Variants in IGFN1 observed in about 807,000 individuals in gnomAD.
The protein encoded by IGFN1 is immunoglobulin like and fibronectin type III domain containing 1.
IGFN1 carries 253 observed loss-of-function variants against 289.5 expected under a neutral mutation model. The observed-to-expected ratio is 0.87, with a 90% confidence interval of 0.79 to 0.97. The LOEUF (loss-of-function observed/expected upper bound fraction) is 0.97. Ranked by LOEUF, IGFN1 falls within the 50% of genes least tolerant of loss-of-function variation. The pLI is 0.00. For synonymous variants in IGFN1, 1,706 were observed against 1,788.5 expected (o/e 0.95, Z 1.16); for missense variants, 4,470 against 4,686.1 (o/e 0.95, Z 1.35).
rs1667930744 is a variant in IGFN1 at position 201,213,372 on chromosome 1, G to A, written c.8479G>A (p.Val2827Ile). ...GTCTCAGGCACAGTCAGGGGCTGAG[G>A]TTGGAGGAGGAAAGAGAAGGGGAGC... is the stretch of plus-strand genomic sequence containing the variant. ...SRSQAQSGAE[V>I]GGGKRRGADE... Residue 2827 changes from valine (V) to isoleucine (I), a missense_variant, in exon 12 of 24, where the codon GTT (valine) becomes ATT (isoleucine). Val to Ile is a conservative substitution (Grantham distance 29). Transcript: ENST00000335211. The A allele has an allele frequency of 1.9e-6, 3 of 1,613,008 alleles. No homozygotes were observed. Among genetic ancestry groups the A allele is most frequent in the Admixed American group, 1.7e-5 (1 of 59,854 alleles).
chr1:201,192,175 G>T (rs1666688453), intron 1 of IGFN1, among the ~76,000 whole-genome samples: 1 of 152,260 alleles, frequency 6.6e-6, no homozygotes, highest in Non-Finnish European at 1.5e-5. Context: ...CAGCGGCTGG[G>T]CTGGCGAGGG....
At position 201,190,925 on chromosome 1, in the gene IGFN1, C is replaced by T. The variant is rs1572154586; in HGVS notation, c.-48+18C>T. ...ACACCCAGGTAAGTGGGTGCTCACA[C>T]CTGGCTGCCCACCCGGGCCAGGGTA... On this transcript the variant is annotated intron_variant, in intron 1 of 23. Coordinates refer to ENST00000335211, the MANE Select transcript of IGFN1 (RefSeq NM_001164586.2). The T allele has an allele frequency of 6.6e-6, 1 of 152,034 alleles. No homozygotes were observed. Among genetic ancestry groups the T allele is most frequent in the Non-Finnish European group, 1.5e-5 (1 of 67,938 alleles). 9.4% of individuals were successfully genotyped at this position (152,034 alleles called of 1,614,324 possible). A position where few individuals can be genotyped will look rare whatever the true frequency, so the allele number is the denominator to read the frequency against.
chr1:201,194,456 A>G (rs1568809), intron 3 of IGFN1, among the ~76,000 whole-genome samples, 183 bp downstream of exon 3: 97,436 of 152,062 alleles, frequency 0.64, 32,124 homozygotes, highest in East Asian at 0.86. Flanking sequence ...AAGTGACAAG[A>G]GGCCTGGGGA....
At position 201,211,200 on chromosome 1, in the gene IGFN1, G is replaced by A. The variant is rs1388109001; in HGVS notation, c.6307G>A (p.Glu2103Lys). ...TTCTGAAGAAATGGAGTCAATGGAT[G>A]AGGCAGGTTATAGGAAGGATTTGGG... is the stretch of plus-strand genomic sequence containing the variant. ...GGSEEMESMDEAGYRKDLGAP... is the reference protein window; with the variant it reads ...GGSEEMESMDKAGYRKDLGAP... The change falls in exon 12 of 24, where the codon GAG becomes AAG. Residue 2103 changes from glutamate to lysine, a missense_variant. Physicochemically the swap from Glu to Lys is moderately conservative, Grantham distance 56. Transcript: ENST00000335211. 4 of 1,532,588 alleles carry A rather than the reference G, an allele frequency of 2.6e-6. No individual in the cohort carries two copies. Among genetic ancestry groups the A allele is most frequent in the Non-Finnish European group, 3.5e-6 (4 of 1,144,954 alleles). 94.9% of individuals were successfully genotyped at this position (1,532,588 alleles called of 1,614,324 possible). A position where few individuals can be genotyped will look rare whatever the true frequency, so the allele number is the denominator to read the frequency against.
intron 20 of IGFN1, among the ~76,000 whole-genome samples, chr1:201,223,398 T>C (rs547243480): frequency 6.7e-6 from 1 of 149,872 alleles, no homozygotes; most frequent in African/African-American, 2.5e-5. Flanking sequence ...TGAGATGGAG[T>C]CTCACTCTGT....
In IGFN1 at chr1:201,212,999, C is replaced by A. The variant is rs1234779574; in HGVS notation, c.8106C>A (p.Gly2702=). The A allele has an allele frequency of 6.4e-7, 1 of 1,551,520 alleles. No homozygotes were observed. Among genetic ancestry groups the A allele is most frequent in the Non-Finnish European group, 8.7e-7 (1 of 1,146,956 alleles). ...GCAAAGGTTCAAGTCCTGGAAGGGG[C>A]AGTTCTGTTGATGCAGAGGACTCAG... ...LDSKGSSPGR[G]SSVDAEDSGI... is the part of the protein sequence containing the mutation. Residue 2702 remains glycine (G), a synonymous_variant, in exon 12 of 24, where the codon GGC becomes GGA. Coordinates refer to ENST00000335211, the MANE Select transcript of IGFN1 (RefSeq NM_001164586.2).
intron 23 of IGFN1, among the ~76,000 whole-genome samples, chr1:201,227,662 T>C (rs1239163533): frequency 6.6e-6 from 1 of 152,066 alleles, no homozygotes; most frequent in East Asian, 1.9e-4. Context: ...ACTCCTGACC[T>C]CAGGTGATCC....
Position 201,207,526 on chromosome 1 carries a change from A to G in IGFN1, c.2633A>G (p.Glu878Gly). 1 of 1,536,508 alleles carries G rather than the reference A, an allele frequency of 6.5e-7. No homozygotes were observed. The highest frequency in any genetic ancestry group is 8.7e-7 in the Non-Finnish European group (1 of 1,146,600). ...GGTATCTGGGTGGCTGGACTGACGG[A>G]GTCTGGTCAGGGGGTGGATGCCAGA... ...MGGIWVAGLTESGQGVDARSH... is the reference protein window; with the variant it reads ...MGGIWVAGLTGSGQGVDARSH... Residue 878 changes from glutamate to glycine, a missense_variant, in exon 12 of 24, where the codon GAG becomes GGG. Physicochemically the swap from Glu to Gly is moderately conservative, Grantham distance 98 (BLOSUM62 -2). This residue lies in a region of IGFN1 where 2,011 missense variants were observed against 1,953.4 expected (regional missense o/e 1.03). Transcript: ENST00000335211.
intron 6 of IGFN1, 27 bp from the exon 7 acceptor site, chr1:201,199,582 G>A (rs1282140968): frequency 6.5e-7 from 1 of 1,548,748 alleles, no homozygotes; most frequent in South Asian, 1.2e-5. Flanking sequence ...ACCTGGGACT[G>A]AGGCCTCATT....
rs751323976 is a variant in IGFN1, at chr1:201,221,600, A to G, written c.10055A>G (p.His3352Arg). The G allele has an allele frequency of 6.2e-6, 10 of 1,614,168 alleles. No individual in the cohort carries two copies. The highest frequency in any genetic ancestry group is 1.3e-5 in the African/African-American group (1 of 75,068). ...SSDSLQWLPC[H>R]VGTVPVTTYT... The stretch of plus-strand genomic sequence containing the variant: ...GACAGTCTCCAGTGGCTCCCGTGCC[A>G]TGTGGGCACCGTGCCAGTCACCACC... Residue 3352 changes from histidine to arginine, a missense_variant, in exon 19 of 24, where the codon CAT becomes CGT. Coordinates refer to ENST00000335211, the MANE Select transcript of IGFN1 (RefSeq NM_001164586.2).
intron 22 of IGFN1, among the ~76,000 whole-genome samples, chr1:201,226,326 C>CA (rs1654096196): frequency 3.9e-5 from 1 of 25,862 alleles, no homozygotes; most frequent in Non-Finnish European, 7.1e-5. Flanking sequence ...TCCTCTGCAC[C>CA]CCGACCTCCG....
intron 19 of IGFN1, 69 bp from the exon 20 acceptor site, chr1:201,222,670 C>G (rs537621040): frequency 9.1e-7 from 1 of 1,097,028 alleles, no homozygotes; most frequent in South Asian, 1.4e-5. Context: ...CCCTACCTTG[C>G]TGGGGACCTG....
At chr1:201,217,512 G>A (rs762582826) in intron 17 of IGFN1, 52 bp downstream of exon 17, 8 of 1,584,716 alleles carry the variant, frequency 5.0e-6, no homozygotes, top group South Asian at 1.1e-5. Flanking sequence ...CTGGCTCCAG[G>A]ATCCCAGGGA....
intron 2 of IGFN1, 102 bp from the exon 3 acceptor site, chr1:201,194,052 T>A (rs1666773980): frequency 7.3e-7 from 1 of 1,374,894 alleles, no homozygotes. Flanking sequence ...GAGAAGGGGC[T>A]TCTTGCTCCT....
chr1:201,208,861 G>T lies in IGFN1; in HGVS notation c.3968G>T (p.Gly1323Val), dbSNP rs1359583929. The T allele has an allele frequency of 5.9e-6, 9 of 1,536,576 alleles. No homozygotes were observed. Among genetic ancestry groups the T allele is most frequent in the Non-Finnish European group, 7.8e-6 (9 of 1,146,786 alleles). The change falls in exon 12 of 24, where the codon GGT becomes GTT. Residue 1323 changes from glycine (G) to valine (V), a missense_variant. Physicochemically the swap from Gly to Val is moderately radical, Grantham distance 109. This residue lies in a region of IGFN1 where 2,011 missense variants were observed against 1,953.4 expected (regional missense o/e 1.03). Coordinates refer to ENST00000335211, the MANE Select transcript of IGFN1 (RefSeq NM_001164586.2). The stretch of plus-strand genomic sequence containing the variant: ...GCAATGGGGTCAATGGATGAAGCAG[G>T]TTATAGGAAAGATTTAGGGGCTCCT... ...SGAMGSMDEA[G>V]YRKDLGAPEG...
Position 201,205,296 on chromosome 1 carries a change from G to A in IGFN1, c.1131G>A (p.Met377Ile). 6.6e-7 allele frequency: 1 copy of A among 1,521,082 alleles called. No individual in the cohort carries two copies. Among genetic ancestry groups the A allele is most frequent in the Non-Finnish European group, 8.8e-7 (1 of 1,132,618 alleles). The allele number at this position is 1,521,082 out of a possible 1,614,324, so 94.2% of individuals were successfully genotyped here. ...TGAGGGGGGCACGTTTCTCAGACATGGGCCCCTATTCGCTGGGCACCGGGC... is the reference window on the plus strand; with the variant it reads ...TGAGGGGGGCACGTTTCTCAGACATAGGCCCCTATTCGCTGGGCACCGGGC... The part of the protein sequence containing the change: ...LVVRGARFSD[M>I]GPYSLGTGLY... The change falls in exon 11 of 24, where the codon ATG becomes ATA. Residue 377 changes from methionine (M) to isoleucine (I), a missense_variant. Transcript: ENST00000335211.
At chr1:201,202,436 C>T (rs1200236075) in intron 9 of IGFN1, among the ~76,000 whole-genome samples, 1 of 152,146 alleles carries the variant, frequency 6.6e-6, no homozygotes, top group Non-Finnish European at 1.5e-5. Flanking sequence ...CCTCACCTCT[C>T]TGCTTATTCC....
Position 201,215,002 on chromosome 1 carries a change from C to T in IGFN1, c.8854-11C>T. On this transcript the variant is annotated splice_polypyrimidine_tract_variant and intron_variant, in intron 13 of 23. Coordinates refer to ENST00000335211, the MANE Select transcript of IGFN1 (RefSeq NM_001164586.2). ...TGGGGTGACCTTCTCCTGCTGTGGC[C>T]CTGTCTCCAGCTCACCACCCAGGAT... 6.2e-7 allele frequency: 1 copy of T among 1,612,382 alleles called. No individual in the cohort carries two copies. Among genetic ancestry groups the T allele is most frequent in the Non-Finnish European group, 8.5e-7 (1 of 1,179,018 alleles).
chr1:201,220,397 C>T (rs886210515), intron 18 of IGFN1, among the ~76,000 whole-genome samples: 1 of 152,198 alleles, frequency 6.6e-6, no homozygotes, highest in African/African-American at 2.4e-5. Context: ...CCAGGCTGGT[C>T]TTGAACTCCT....
Sources: gnomAD v4.1 joint callset for allele counts (sites outside exome capture counted in the v4.1 genomes callset) on GRCh38, gnomAD v4.1.1 for gene constraint, gnomAD v4.1.1 regional missense constraint, MANE v1.5 for transcripts, NCBI Gene and HGNC (gene_info 2026-07-23, HGNC 2026-07-21) for gene names.